Variants in CNTNAP2 observed in about 807,000 individuals in gnomAD.
CNTNAP2 encodes the protein contactin-associated protein-like 2.
Under a neutral mutation model 155.2 loss-of-function variants are expected in CNTNAP2, and 98 were observed. The observed-to-expected ratio is 0.63, with a 90% CI of 0.54 to 0.75. The LOEUF (loss-of-function observed/expected upper bound fraction) is 0.75, where lower values mean the gene tolerates loss of function less well. CNTNAP2 is among the 30% of genes least tolerant of loss of function. CNTNAP2 has a pLI of 0.00. For missense variants in CNTNAP2, 1,727 were observed against 1,688.1 expected (o/e 1.02, Z -0.40); for synonymous variants, 651 against 631.2 (o/e 1.03, Z -0.47).
intron 3 of CNTNAP2, among the ~76,000 whole-genome samples, chr7:146,862,958 C>A (rs1477290139): frequency 6.6e-6 from 1 of 152,158 alleles, no homozygotes; most frequent in African/African-American, 2.4e-5. Context: ...AACCTTCATG[C>A]ATATAGATTT....
intron 13 of CNTNAP2, among the ~76,000 whole-genome samples, chr7:147,853,183 C>T (rs1403826340): frequency 1.3e-5 from 2 of 152,192 alleles, no homozygotes; most frequent in East Asian, 3.8e-4. Context: ...TGACAGTCTC[C>T]ATTTATATTC....
In CNTNAP2 at chr7:147,366,653, C is replaced by T. The variant is rs1024984024; in HGVS notation, c.1499-28956C>T. Among the ~76,000 whole-genome samples, 7 of 152,162 alleles carry T rather than the reference C, an allele frequency of 4.6e-5. 1 individual carries two copies. The South Asian group carries it at 1.4e-3, about 32-fold the overall frequency. On this transcript the variant is annotated intron_variant, in intron 9 of 23. Transcript: ENST00000361727. The stretch of plus-strand genomic sequence containing the variant: ...TTCACTTAAATCTTCTCTTCCGTTG[C>T]ATCTCACAAGTTTTGTTATGCAGTA...
chr7:146,701,464 A>G (rs1800876838), intron 1 of CNTNAP2, among the ~76,000 whole-genome samples: 1 of 152,158 alleles, frequency 6.6e-6, no homozygotes, highest in Non-Finnish European at 1.5e-5. Context: ...ATCATGAACA[A>G]AGCAAACTAT....
At chr7:147,054,497 G>A (rs533559713) in intron 4 of CNTNAP2, among the ~76,000 whole-genome samples, 1 of 152,054 alleles carries the variant, frequency 6.6e-6, no homozygotes, top group Non-Finnish European at 1.5e-5. Context: ...GAGTACTAGA[G>A]CCTAAATTAC....
chr7:148,296,007 A>G lies in CNTNAP2; in HGVS notation c.3475+28881A>G, dbSNP rs547058303. Among the ~76,000 whole-genome samples, 14 of 152,344 alleles carry G rather than the reference A, an allele frequency of 9.2e-5. No individual in the cohort carries two copies. The East Asian group carries it at 9.6e-4, about 10-fold the overall frequency. Reference sequence around the variant, plus strand: ...AAGATAACTCTTACAGCTGGTATAAACAATTATTTGGGCCTTGAAATTCTT... The same window carrying G: ...AAGATAACTCTTACAGCTGGTATAAGCAATTATTTGGGCCTTGAAATTCTT... On this transcript the variant is annotated intron_variant, in intron 21 of 23. Coordinates refer to ENST00000361727, the MANE Select transcript of CNTNAP2 (RefSeq NM_014141.6).
intron 1 of CNTNAP2, among the ~76,000 whole-genome samples, chr7:146,175,838 T>C (rs1213863576): frequency 2.6e-5 from 4 of 152,208 alleles, no homozygotes; most frequent in African/African-American, 7.2e-5. Flanking sequence ...TTCTTTCCAG[T>C]ATCCTTGTCT....
intron 1 of CNTNAP2, among the ~76,000 whole-genome samples, chr7:146,426,798 G>A (rs1796099997): frequency 6.6e-6 from 1 of 151,946 alleles, no homozygotes; most frequent in Admixed American, 6.6e-5. Flanking sequence ...GGGGACTACA[G>A]TTAATATATT....
At chr7:146,733,741 G>A (rs1453029966) in intron 1 of CNTNAP2, among the ~76,000 whole-genome samples, 1 of 152,082 alleles carries the variant, frequency 6.6e-6, no homozygotes, top group African/African-American at 2.4e-5. Context: ...GAGAGAAAAG[G>A]AGCCAGACAA....
At chr7:147,377,833 G>A (rs1322683904) in intron 9 of CNTNAP2, among the ~76,000 whole-genome samples, 4 of 151,678 alleles carry the variant, frequency 2.6e-5, no homozygotes, top group African/African-American at 9.7e-5. Flanking sequence ...TTTCTCCCTT[G>A]CTACTTTTAT....
chr7:147,559,894 G>A (rs1800026438), intron 11 of CNTNAP2, among the ~76,000 whole-genome samples: 1 of 151,084 alleles, frequency 6.6e-6, no homozygotes, highest in Admixed American at 6.6e-5. Context: ...TTTGAGGCCA[G>A]GTGCAGTGGC....
intron 17 of CNTNAP2, among the ~76,000 whole-genome samples, chr7:148,161,893 C>T (rs901388301): frequency 6.6e-5 from 10 of 152,166 alleles, no homozygotes; most frequent in Non-Finnish European, 1.3e-4. Flanking sequence ...CCTCAATCCC[C>T]AAGCTTCTCT....
chr7:148,199,379 G>T (rs1376471357), intron 18 of CNTNAP2, among the ~76,000 whole-genome samples: 1 of 152,146 alleles, frequency 6.6e-6, no homozygotes, highest in Admixed American at 6.5e-5. Context: ...GGGCTGAACT[G>T]GGAATGTGAG....
chr7:147,354,898 A>G (rs7797087), intron 9 of CNTNAP2, among the ~76,000 whole-genome samples: 34,681 of 151,950 alleles, frequency 0.23, 4,352 homozygotes, highest in Non-Finnish European at 0.28. Context: ...CTTTGTAGCA[A>G]TTGTGAATGG....
At chr7:147,913,350 T>C (rs2116767165) in intron 14 of CNTNAP2, among the ~76,000 whole-genome samples, 1 of 152,316 alleles carries the variant, frequency 6.6e-6, no homozygotes, top group East Asian at 1.9e-4. Context: ...TTGCCAGGCA[T>C]GTCCACAGAT....
intron 9 of CNTNAP2, among the ~76,000 whole-genome samples, chr7:147,314,940 C>T (rs983729912): frequency 6.6e-6 from 1 of 150,824 alleles, no homozygotes; most frequent in South Asian, 2.1e-4. Context: ...GGGTAATAAC[C>T]ACTATGTAAA....
intron 21 of CNTNAP2, among the ~76,000 whole-genome samples, chr7:148,345,070 CGAGTGTGGCCAGTG>C (rs1798297513): frequency 6.6e-6 from 1 of 152,088 alleles, no homozygotes; most frequent in Non-Finnish European, 1.5e-5. Flanking sequence ...TTACCAAGCC[CGAGTGTGGCCAGTG>C]GAGGGTCACT....
intron 4 of CNTNAP2, among the ~76,000 whole-genome samples, chr7:147,059,938 G>A (rs1799631148): frequency 6.6e-6 from 1 of 152,012 alleles, no homozygotes; most frequent in Non-Finnish European, 1.5e-5. Context: ...TATAATTATA[G>A]TTTGTATCCA....
intron 12 of CNTNAP2, among the ~76,000 whole-genome samples, chr7:147,615,016 G>A (rs1346941021): frequency 6.6e-6 from 1 of 150,632 alleles, no homozygotes; most frequent in Non-Finnish European, 1.5e-5. Context: ...AACTTGGGAG[G>A]CCAAGGTATA....
chr7:147,049,265 T>C (rs192780032), intron 4 of CNTNAP2, among the ~76,000 whole-genome samples: 3 of 152,360 alleles, frequency 2.0e-5, no homozygotes, highest in South Asian at 4.1e-4. Context: ...TTTTCATTTA[T>C]TATTTTTGAA....
Sources: allele counts gnomAD v4.1 joint callset (sites outside exome capture counted in the v4.1 genomes callset), GRCh38; gene constraint gnomAD v4.1.1; transcripts MANE v1.5; gene names NCBI Gene and HGNC (gene_info 2026-07-23, HGNC 2026-07-21).